Variants in SLC8A3 observed in about 807,000 individuals in gnomAD.
SLC8A3 encodes solute carrier family 8 member A3, also known as sodium/calcium exchanger 3.
SLC8A3 carries 37 observed loss-of-function variants against 65.4 expected under a neutral mutation model. That is an observed-to-expected ratio of 0.57 (90% CI 0.44 to 0.74). The LOEUF is 0.74. Among genes scored for constraint, SLC8A3 ranks in the 30% least tolerant of loss-of-function variants. SLC8A3 has a pLI of 0.00. For synonymous variants in SLC8A3, 461 were observed against 444.5 expected, an observed-to-expected ratio of 1.04 and a Z score of -0.47; for missense variants, 1,112 against 1,172.1, an observed-to-expected ratio of 0.95 and a Z score of 0.75.
chr14:70,166,144 T>C (rs1897147462), intron 2 of SLC8A3, among the ~76,000 whole-genome samples: 1 of 152,234 alleles, frequency 6.6e-6, no homozygotes, highest in African/African-American at 2.4e-5. Context: ...ACTGGCAATA[T>C]AGTACCAGGG....
chr14:70,077,915 G>A (rs996868330), intron 2 of SLC8A3, among the ~76,000 whole-genome samples: 17 of 152,230 alleles, frequency 1.1e-4, no homozygotes, highest in Admixed American at 1.0e-3. Context: ...TTCAGAGGCA[G>A]ATGGCTTGTA....
intron 2 of SLC8A3, among the ~76,000 whole-genome samples, chr14:70,074,504 T>C (rs1287608213): frequency 6.6e-6 from 1 of 152,218 alleles, no homozygotes; most frequent in African/African-American, 2.4e-5. Context: ...GGGAGGAACA[T>C]AGTAGGCAAA....
intron 2 of SLC8A3, among the ~76,000 whole-genome samples, chr14:70,120,795 T>C (rs1000333194): frequency 2.0e-5 from 3 of 152,204 alleles, no homozygotes; most frequent in Non-Finnish European, 2.9e-5. Flanking sequence ...ACTAGTTCGT[T>C]CATTCAACAA....
intron 2 of SLC8A3, among the ~76,000 whole-genome samples, chr14:70,104,368 T>C (rs116441324): frequency 0.012 from 1,863 of 152,254 alleles, 38 homozygotes; most frequent in African/African-American, 0.043. Flanking sequence ...AATCACCTGA[T>C]AAAGATAAAG....
chr14:70,149,611 AG>A (rs1252105225), intron 2 of SLC8A3, among the ~76,000 whole-genome samples: 1 of 152,180 alleles, frequency 6.6e-6, no homozygotes, highest in Non-Finnish European at 1.5e-5. Flanking sequence ...TACTGCCTAC[AG>A]GCTGCTCCAA....
intron 3 of SLC8A3, among the ~76,000 whole-genome samples, chr14:70,054,077 A>G (rs1887802212): frequency 6.6e-6 from 1 of 152,232 alleles, no homozygotes; most frequent in Admixed American, 6.5e-5. Context: ...ATAAACTCTC[A>G]GTTCTAGGAA....
intron 2 of SLC8A3, among the ~76,000 whole-genome samples, chr14:70,072,729 C>A (rs1438146565): frequency 6.6e-6 from 1 of 152,168 alleles, no homozygotes; most frequent in Non-Finnish European, 1.5e-5. Context: ...CTCACTGCAA[C>A]CTTTGCCTCC....
chr14:70,125,546 A>G (rs1005841678), intron 2 of SLC8A3, among the ~76,000 whole-genome samples: 10 of 152,110 alleles, frequency 6.6e-5, no homozygotes, highest in Admixed American at 2.0e-4. Flanking sequence ...TTGTGTGTGT[A>G]TATATACACA....
At chr14:70,109,731 C>G (rs1187856784) in intron 2 of SLC8A3, among the ~76,000 whole-genome samples, 2 of 152,096 alleles carry the variant, frequency 1.3e-5, no homozygotes, top group African/African-American at 4.8e-5. Flanking sequence ...GCTGAGATTA[C>G]AGGTTTCAGC....
At chr14:70,162,309 C>T (rs981451720) in intron 2 of SLC8A3, among the ~76,000 whole-genome samples, 2 of 152,204 alleles carry the variant, frequency 1.3e-5, no homozygotes, top group Non-Finnish European at 2.9e-5. Context: ...CACTTTCTAA[C>T]GTCCTTTCCA....
Position 70,166,989 on chromosome 14 carries a change from T to A in SLC8A3, c.1434A>T (p.Glu478Asp), listed in dbSNP as rs145407056. ...CATTGCTCAACCTTACAAAGAAGTGTTCATCCTCCTCAAAAATGTCGTCAT... is the reference window on the plus strand; with the variant it reads ...CATTGCTCAACCTTACAAAGAAGTGATCATCCTCCTCAAAAATGTCGTCAT... Reference protein sequence around the residue: ...IIDDDIFEEDEHFFVRLSNVR... With the variant: ...IIDDDIFEEDDHFFVRLSNVR... The change falls in exon 2 of 7, where the codon GAA (glutamate) becomes GAT (aspartate). Residue 478 changes from glutamate (E) to aspartate (D), a missense_variant. Physicochemically the swap from Glu to Asp is conservative, Grantham distance 45. Coordinates refer to ENST00000356921, the MANE Select transcript of SLC8A3 (RefSeq NM_182932.3). 3.1e-6 allele frequency: 5 copies of A among 1,614,080 alleles called. No homozygotes were observed. The highest frequency in any genetic ancestry group is 3.4e-6 in the Non-Finnish European group (4 of 1,180,014).
intron 2 of SLC8A3, among the ~76,000 whole-genome samples, chr14:70,145,828 G>A (rs1895891290): frequency 6.6e-6 from 1 of 152,164 alleles, no homozygotes; most frequent in Non-Finnish European, 1.5e-5. Flanking sequence ...GGACTAACAA[G>A]CTGTGGTTAG....
At chr14:70,083,756 T>C (rs1444677485) in intron 2 of SLC8A3, among the ~76,000 whole-genome samples, 1 of 152,188 alleles carries the variant, frequency 6.6e-6, no homozygotes. Flanking sequence ...CTGCCCAAGT[T>C]CACATAGATG....
At chr14:70,160,143 A>T (rs1896800388) in intron 2 of SLC8A3, among the ~76,000 whole-genome samples, 1 of 152,210 alleles carries the variant, frequency 6.6e-6, no homozygotes, top group African/African-American at 2.4e-5. Flanking sequence ...TAATCTAGAG[A>T]TGATTTAAAG....
chr14:70,184,196 C>T (rs564965032), intron 1 of SLC8A3, among the ~76,000 whole-genome samples: 3 of 152,286 alleles, frequency 2.0e-5, no homozygotes, highest in South Asian at 2.1e-4. Context: ...CATAGACTGC[C>T]GGGACCATAC....
In SLC8A3 at chr14:70,170,255, C is replaced by T. The variant is rs184166845; in HGVS notation, c.-62-1771G>A. On this transcript the variant is annotated intron_variant, in intron 1 of 6. Coordinates refer to ENST00000356921, the MANE Select transcript of SLC8A3 (RefSeq NM_182932.3). ...GCTTCCCACTCATCCCCCTTCATCCCGTCACTCTCTCCCTTATTACATTTC... is the reference window on the plus strand; with the variant it reads ...GCTTCCCACTCATCCCCCTTCATCCTGTCACTCTCTCCCTTATTACATTTC... Among the ~76,000 whole-genome samples, 413 of 152,262 alleles carry T rather than the reference C, an allele frequency of 2.7e-3. 3 individuals are homozygous for T. Among genetic ancestry groups the T allele is most frequent in the African/African-American group, 9.4e-3 (389 of 41,552 alleles).
At chr14:70,074,168 T>C (rs1232196014) in intron 2 of SLC8A3, among the ~76,000 whole-genome samples, 1 of 152,224 alleles carries the variant, frequency 6.6e-6, no homozygotes. Context: ...TGGCACTGGA[T>C]GACAGAACAG....
chr14:70,101,602 C>A (rs1200563154), intron 2 of SLC8A3, among the ~76,000 whole-genome samples: 1 of 152,070 alleles, frequency 6.6e-6, no homozygotes, highest in Non-Finnish European at 1.5e-5. Flanking sequence ...GTGACATGCC[C>A]CAGTTTGTAT....
chr14:70,086,627 C>G (rs1891465566), intron 2 of SLC8A3, among the ~76,000 whole-genome samples: 1 of 152,114 alleles, frequency 6.6e-6, no homozygotes, highest in African/African-American at 2.4e-5. Context: ...TGGTCTCGAA[C>G]TCCTGATCTC....
Sources: gnomAD v4.1 joint callset for allele counts (sites outside exome capture counted in the v4.1 genomes callset) on GRCh38, gnomAD v4.1.1 for gene constraint, MANE v1.5 for transcripts, NCBI Gene and HGNC (gene_info 2026-07-23, HGNC 2026-07-21) for gene names.